STEAP4: variants seen among roughly 807,000 people sequenced by gnomAD.
The protein encoded by STEAP4 is metalloreductase STEAP4.
STEAP4 carries 36 observed loss-of-function variants against 43.6 expected under a neutral mutation model. The observed-to-expected ratio is 0.83, with a 90% CI of 0.63 to 1.09. The LOEUF (loss-of-function observed/expected upper bound fraction) is 1.09. Ranked by LOEUF, STEAP4 falls within the 50% of genes least tolerant of loss-of-function variation. STEAP4 has a pLI of 0.00. For missense variants in STEAP4, 495 were observed against 546.5 expected, an observed-to-expected ratio of 0.91 and a Z score of 0.94; for synonymous variants, 191 against 196.7, an observed-to-expected ratio of 0.97 and a Z score of 0.24.
At chr7:88,306,089 G>A (rs528627595) in intron 1 of STEAP4, among the ~76,000 whole-genome samples, 7 of 152,172 alleles carry the variant, frequency 4.6e-5, no homozygotes, top group African/African-American at 1.7e-4. Flanking sequence ...GGCTGGTCTC[G>A]AACTCCTGAC....
Position 88,280,924 on chromosome 7 carries a change from T to A in STEAP4, c.1140A>T (p.Arg380=), listed in dbSNP as rs772995703. 2.7e-5 allele frequency: 44 copies of A among 1,604,318 alleles called. No homozygotes were observed. Among genetic ancestry groups the A allele is most frequent in the Admixed American group, 1.0e-4 (6 of 57,958 alleles). The change falls in exon 4 of 5, where the codon CGA becomes CGT. Residue 380 remains arginine (R), a synonymous_variant. Transcript: ENST00000380079. ...VSNAVNWREF[R]FVQSKLGYLT... ...AACTTGAAGTTCTTACCTGGACAAA[T>A]CGGAACTCTCTCCAGTTGACTGCAT...
intron 1 of STEAP4, chr7:88,293,008 G>A (rs533079706): frequency 6.6e-6 from 1 of 152,248 alleles, no homozygotes; most frequent in Non-Finnish European, 1.5e-5. Flanking sequence ...GTGAAAATAA[G>A]TTTTCATTTC....
In STEAP4 at chr7:88,291,189, G is replaced by A. The variant is rs777646465; in HGVS notation, c.-2-6918C>T. 9.9e-5 allele frequency among the ~76,000 whole-genome samples: 15 copies of A among 151,888 alleles called. No homozygotes were observed. In the South Asian group the frequency reaches 1.2e-3, roughly 13 times the overall value. ...AAAAATATCTGAACTAGAGTGCAACGATTCTTAAGAATCTCCTACTTGTCC... is the reference window on the plus strand; with the variant it reads ...AAAAATATCTGAACTAGAGTGCAACAATTCTTAAGAATCTCCTACTTGTCC... On this transcript the variant is annotated intron_variant, in intron 1 of 4. Transcript: ENST00000380079.
At chr7:88,282,436 C>A (rs933338500) in intron 3 of STEAP4, 53 of 593,382 alleles carry the variant, frequency 8.9e-5, no homozygotes, top group Non-Finnish European at 1.3e-4. Flanking sequence ...AGTGAGCCAC[C>A]GCCCCCGGCA....
intron 1 of STEAP4, among the ~76,000 whole-genome samples, chr7:88,296,549 T>C (rs1389581218): frequency 6.7e-6 from 1 of 148,744 alleles, no homozygotes; most frequent in East Asian, 1.9e-4. Flanking sequence ...GATGACTTGA[T>C]AACATATTTG....
chr7:88,295,072 AG>A (rs1352111300), intron 1 of STEAP4, among the ~76,000 whole-genome samples: 1 of 152,206 alleles, frequency 6.6e-6, no homozygotes, highest in African/African-American at 2.4e-5. Flanking sequence ...TATAAAAACA[AG>A]TGTAAAGACA....
chr7:88,281,689 T>C (rs1311969734), intron 3 of STEAP4: 2 of 152,212 alleles, frequency 1.3e-5, no homozygotes, highest in South Asian at 2.1e-4. Flanking sequence ...AAACTAGCTA[T>C]TTCTAAACTA....
rs1009879301 is a variant in STEAP4 at position 88,277,472 on chromosome 7, G to A, written c.*1926C>T. The A allele has an allele frequency of 6.6e-6, 1 of 152,178 alleles. No individual in the cohort carries two copies. The highest frequency in any genetic ancestry group is 1.5e-5 in the Non-Finnish European group (1 of 68,028). 9.4% of individuals were successfully genotyped at this position (152,178 alleles called of 1,614,324 possible). A position where few individuals can be genotyped will look rare whatever the true frequency, so the allele number is the denominator to read the frequency against. On this transcript the variant is annotated 3_prime_UTR_variant, in exon 5 of 5. Transcript: ENST00000380079. ...TCAGTGCAAAGATATTATCTGAAATGTTATTTATTTTAGTAAAAAATGGAT... is the reference window on the plus strand; with the variant it reads ...TCAGTGCAAAGATATTATCTGAAATATTATTTATTTTAGTAAAAAATGGAT...
At chr7:88,280,624 T>A (rs1852601920) in intron 4 of STEAP4, among the ~76,000 whole-genome samples, 1 of 152,202 alleles carries the variant, frequency 6.6e-6, no homozygotes. Context: ...ATGTCCATGT[T>A]GTAAGGTTAA....
intron 1 of STEAP4, among the ~76,000 whole-genome samples, chr7:88,293,699 T>C (rs1252840544): frequency 2.6e-5 from 4 of 152,184 alleles, no homozygotes; most frequent in African/African-American, 9.6e-5. Flanking sequence ...ACTATCCTTA[T>C]TTTTTGCTGA....
intron 1 of STEAP4, 43 bp from the exon 2 acceptor site, chr7:88,284,314 C>T: frequency 7.3e-7 from 1 of 1,363,744 alleles, no homozygotes; most frequent in Non-Finnish European, 9.9e-7. Flanking sequence ...TATAAATGCT[C>T]TGTGCCTGGA....
At chr7:88,284,552 CAA>C (rs961496833) in intron 1 of STEAP4, among the ~76,000 whole-genome samples, 1 of 151,856 alleles carries the variant, frequency 6.6e-6, no homozygotes, top group African/African-American at 2.4e-5. Context: ...CAAAATCTGA[CAA>C]AAAATATGCT....
In STEAP4 at chr7:88,272,800, G is replaced by A. The variant is rs1423814983; in HGVS notation, c.*6598C>T. ...AGAAAAATGGGTAGAAGTACAACTA[G>A]GGAAACTTTGGTTATCTACAGAGAG... is the stretch of plus-strand genomic sequence containing the variant. On this transcript the variant is annotated 3_prime_UTR_variant, in exon 5 of 5. Coordinates refer to ENST00000380079, the MANE Select transcript of STEAP4 (RefSeq NM_024636.4). 1.3e-5 allele frequency: 2 copies of A among 152,154 alleles called. No individual in the cohort carries two copies. Among genetic ancestry groups the A allele is most frequent in the Non-Finnish European group, 2.9e-5 (2 of 68,028 alleles). 9.4% of individuals were successfully genotyped at this position (152,154 alleles called of 1,614,324 possible).
In STEAP4 at chr7:88,298,796, ACTT is replaced by A. The variant is rs1454732209; in HGVS notation, c.-3+7993_-3+7995del. Among the ~76,000 whole-genome samples the A allele has an allele frequency of 3.9e-5, 6 of 152,312 alleles. No homozygotes were observed. In the East Asian group the frequency reaches 9.6e-4, roughly 24 times the overall value. Reference sequence around the variant, plus strand: ...AGCTCTTTTTCTACATAAAGAAACTACTTCAGGTTGGTTGCTAAAAAACTGATT... The same window carrying A: ...AGCTCTTTTTCTACATAAAGAAACTACAGGTTGGTTGCTAAAAAACTGATT... On this transcript the variant is annotated intron_variant, in intron 1 of 4. Transcript: ENST00000380079.
chr7:88,302,821 G>C (rs1376536660), intron 1 of STEAP4, among the ~76,000 whole-genome samples: 3 of 151,788 alleles, frequency 2.0e-5, no homozygotes, highest in Non-Finnish European at 4.4e-5. Flanking sequence ...AGGCTTGGTG[G>C]TGCATGCCTT....
At chr7:88,294,332 T>C (rs1357025815) in intron 1 of STEAP4, among the ~76,000 whole-genome samples, 2 of 152,116 alleles carry the variant, frequency 1.3e-5, no homozygotes, top group Non-Finnish European at 2.9e-5. Flanking sequence ...GAAACATAAA[T>C]TTTGTCTTTA....
At chr7:88,290,162 T>C (rs551477230) in intron 1 of STEAP4, 3 of 152,246 alleles carry the variant, frequency 2.0e-5, no homozygotes, top group African/African-American at 7.2e-5. Flanking sequence ...ATCTTAATCA[T>C]TGCAAAGAGA....
At chr7:88,283,320 A>G (rs1852662960) in intron 2 of STEAP4, 152 bp from the exon 3 acceptor site, 1 of 872,912 alleles carries the variant, frequency 1.1e-6, no homozygotes, top group Non-Finnish European at 1.6e-6. Flanking sequence ...ATGTAACAAG[A>G]TGTTTTAAAC....
At chr7:88,298,601 T>A (rs1852972337) in intron 1 of STEAP4, among the ~76,000 whole-genome samples, 1 of 151,992 alleles carries the variant, frequency 6.6e-6, no homozygotes, top group Non-Finnish European at 1.5e-5. Context: ...TTCTTAGACA[T>A]GTGCACTTCT....
Sources: gnomAD v4.1 joint callset for allele counts (sites outside exome capture counted in the v4.1 genomes callset) on GRCh38, gnomAD v4.1.1 for gene constraint, MANE v1.5 for transcripts, NCBI Gene and HGNC (gene_info 2026-07-23, HGNC 2026-07-21) for gene names.